L2HGDH: variants seen among roughly 807,000 people sequenced by gnomAD.
The protein encoded by L2HGDH is L-2-hydroxyglutarate dehydrogenase, mitochondrial.
In L2HGDH, 34 loss-of-function variants were observed where a neutral mutation model predicts 51.5. The observed-to-expected ratio is 0.66, with a 90% confidence interval of 0.50 to 0.88. L2HGDH has a LOEUF of 0.88. L2HGDH is among the 40% of genes least tolerant of loss of function. The pLI is 0.00. For synonymous variants in L2HGDH, 198 were observed against 197.9 expected, an observed-to-expected ratio of 1.00 and a Z score of -0.01; for missense variants, 558 against 571.9, an observed-to-expected ratio of 0.98 and a Z score of 0.25.
intron 1 of L2HGDH, chr14:50,311,558 G>A (rs1404260633): frequency 6.7e-6 from 3 of 444,452 alleles, no homozygotes; most frequent in Non-Finnish European, 1.4e-5. Context: ...CACTATGCGG[G>A]GTGTGCCAGG....
At chr14:50,251,468 A>G (rs1888346876) in intron 9 of L2HGDH, among the ~76,000 whole-genome samples, 2 of 152,286 alleles carry the variant, frequency 1.3e-5, no homozygotes, top group East Asian at 1.9e-4. Flanking sequence ...CAAAGGGATG[A>G]TAACAGAGAA....
rs181923080 is a variant in L2HGDH at position 50,266,475 on chromosome 14, T to C, written c.1065-986A>G. On this transcript the variant is annotated intron_variant, in intron 8 of 9. Coordinates refer to ENST00000267436, the MANE Select transcript of L2HGDH (RefSeq NM_024884.3). ...CTGTGTAACATGGCGAAACCCTGTC[T>C]CTACAGAAAACACAAAAATTATCTG... Among the ~76,000 whole-genome samples the C allele has an allele frequency of 1.1e-3, 166 of 152,208 alleles. 1 individual carries two copies. The highest frequency in any genetic ancestry group is 3.8e-3 in the African/African-American group (156 of 41,530).
At chr14:50,276,814 C>T (rs1319468788) in intron 6 of L2HGDH, among the ~76,000 whole-genome samples, 1 of 152,226 alleles carries the variant, frequency 6.6e-6, no homozygotes, top group Non-Finnish European at 1.5e-5. Flanking sequence ...GACTAATACA[C>T]TCATCTCTAC....
At chr14:50,278,380 C>A in intron 6 of L2HGDH, 140 bp downstream of exon 6, 2 of 645,530 alleles carry the variant, frequency 3.1e-6, no homozygotes, top group Non-Finnish European at 2.7e-6. Flanking sequence ...AGCTGTTAAA[C>A]TTCCCTAAAA....
At position 50,244,411 on chromosome 14, in the gene L2HGDH, T is replaced by C. The variant is rs77139946; in HGVS notation, c.*2647A>G. 4 of 985,232 alleles carry C rather than the reference T, an allele frequency of 4.1e-6. No individual in the cohort carries two copies. The highest frequency in any genetic ancestry group is 3.5e-5 in the African/African-American group (2 of 57,262). 61.0% of individuals were successfully genotyped at this position (985,232 alleles called of 1,614,324 possible). A position where few individuals can be genotyped will look rare whatever the true frequency, so the allele number is the denominator to read the frequency against. On this transcript the variant is annotated 3_prime_UTR_variant, in exon 10 of 10. Transcript: ENST00000267436. ...AGGACTGCTTCAATTAGGACAATCA[T>C]TTTTTGTAATTCAATGTTTACAACT...
chr14:50,291,225 C>A (rs113364009), intron 4 of L2HGDH, among the ~76,000 whole-genome samples: 10,421 of 88,000 alleles, frequency 0.12, 285 homozygotes, highest in Middle Eastern at 0.19. Flanking sequence ...AAAAAAAAAA[C>A]AAACAAAAAA....
intron 6 of L2HGDH, among the ~76,000 whole-genome samples, chr14:50,270,477 T>C (rs761712620): frequency 6.8e-6 from 1 of 147,356 alleles, no homozygotes; most frequent in Non-Finnish European, 1.5e-5. Flanking sequence ...TTTCTTTCTT[T>C]CCAGGCCTTA....
intron 9 of L2HGDH, among the ~76,000 whole-genome samples, chr14:50,249,548 C>T (rs67871518): frequency 0.32 from 47,935 of 151,634 alleles, 7,817 homozygotes; most frequent in Admixed American, 0.43. Context: ...AGACCCACCC[C>T]GGGCCAAAAG....
intron 4 of L2HGDH, among the ~76,000 whole-genome samples, chr14:50,286,165 T>C (rs184518223): frequency 1.3e-5 from 2 of 151,584 alleles, no homozygotes; most frequent in East Asian, 3.9e-4. Context: ...AAATTGAGAG[T>C]AGATCTCAAG....
chr14:50,295,567 G>T (rs1046774769), intron 3 of L2HGDH, among the ~76,000 whole-genome samples: 1 of 144,674 alleles, frequency 6.9e-6, no homozygotes, highest in African/African-American at 2.6e-5. Context: ...CACCACACTC[G>T]GCTAATTTTT....
chr14:50,295,287 A>T (rs140370268), intron 3 of L2HGDH, among the ~76,000 whole-genome samples: 6 of 152,298 alleles, frequency 3.9e-5, no homozygotes, highest in African/African-American at 1.4e-4. Context: ...AGGCAAGAAG[A>T]CCACTTGAGC....
intron 1 of L2HGDH, among the ~76,000 whole-genome samples, chr14:50,303,459 T>TA (rs113584778): frequency 0.57 from 81,768 of 143,126 alleles, 22,779 homozygotes; most frequent in East Asian, 0.66. Context: ...TCACATGTAT[T>TA]AAAAAAAAAA....
chr14:50,294,244 A>C lies in L2HGDH; in HGVS notation c.411T>G (p.Leu137=). 6.2e-7 allele frequency: 1 copy of C among 1,612,262 alleles called. No individual in the cohort carries two copies. The highest frequency in any genetic ancestry group is 8.5e-7 in the Non-Finnish European group (1 of 1,179,630). Reference sequence around the variant, plus strand: ...TTTCTTCTTGTTCAACAGCTACTATAAGCTTCAAAAAAAAAAAGGTAAGGA... The same window carrying C: ...TTTCTTCTTGTTCAACAGCTACTATCAGCTTCAAAAAAAAAAAGGTAAGGA... ...KGISYKQCGK[L]IVAVEQEEIP... Residue 137 remains leucine, a splice_region_variant and synonymous_variant, in exon 4 of 10, where the codon CTT becomes CTG. Transcript: ENST00000267436.
In L2HGDH at chr14:50,267,556, ATTTTTTTT is replaced by A. The variant is rs112225106; in HGVS notation, c.1064+189_1064+196del. On this transcript the variant is annotated intron_variant, in intron 8 of 9. Transcript: ENST00000267436. ...AAATGTTATACTTATTCCAAAAGGC[ATTTTTTTT>A]TTTGTTTGTTTGTTTGTTTGTTTGC... 1.0e-4 allele frequency among the ~76,000 whole-genome samples: 15 copies of A among 150,184 alleles called. No individual in the cohort carries two copies. In the South Asian group the frequency reaches 1.1e-3, roughly 11 times the overall value.
intron 2 of L2HGDH, 140 bp from the exon 3 acceptor site, chr14:50,302,308 ACTT>A (rs1423300098): frequency 2.5e-5 from 20 of 816,164 alleles, no homozygotes; most frequent in Middle Eastern, 3.4e-4. Flanking sequence ...ATCACTGGTA[ACTT>A]CTTCTAACAT....
intron 1 of L2HGDH, among the ~76,000 whole-genome samples, chr14:50,306,205 C>G (rs1218299122): frequency 6.6e-6 from 1 of 152,078 alleles, no homozygotes; most frequent in East Asian, 1.9e-4. Flanking sequence ...TGCGCGCCAC[C>G]ATGCCCAGCT....
intron 6 of L2HGDH, among the ~76,000 whole-genome samples, chr14:50,270,365 ACTT>A (rs1474849616): frequency 2.0e-5 from 3 of 152,050 alleles, no homozygotes; most frequent in Non-Finnish European, 4.4e-5. Context: ...CCATCTCTTT[ACTT>A]CTTACAGAGT....
chr14:50,255,537 CAAAAAA>C (rs371804551), intron 9 of L2HGDH, among the ~76,000 whole-genome samples: 6 of 114,826 alleles, frequency 5.2e-5, no homozygotes, highest in African/African-American at 1.0e-4. Context: ...ACTCCATCTC[CAAAAAA>C]AAAAAAAAAA....
Position 50,291,064 on chromosome 14 carries a change from G to A in L2HGDH, c.540+3051C>T, listed in dbSNP as rs570340578. 2.0e-5 allele frequency among the ~76,000 whole-genome samples: 3 copies of A among 151,298 alleles called. No homozygotes were observed. In the South Asian group the frequency reaches 6.3e-4, roughly 32 times the overall value. On this transcript the variant is annotated intron_variant, in intron 4 of 9. Transcript: ENST00000267436. Reference sequence around the variant, plus strand: ...AATACAAAAATTAGCCAGGCATGGTGACATGTGCCTGTAATCCCAGCCACT... The same window carrying A: ...AATACAAAAATTAGCCAGGCATGGTAACATGTGCCTGTAATCCCAGCCACT...
Sources: gnomAD v4.1 joint callset for allele counts (sites outside exome capture counted in the v4.1 genomes callset) on GRCh38, gnomAD v4.1.1 for gene constraint, MANE v1.5 for transcripts, NCBI Gene and HGNC (gene_info 2026-07-23, HGNC 2026-07-21) for gene names.